The following MRAS variants were observed in gnomAD, a reference collection of about 807,000 sequenced individuals.
The protein encoded by MRAS is muscle RAS oncogene homolog.
Under a neutral mutation model 20.9 loss-of-function variants are expected in MRAS, and 4 were observed. The ratio of observed to expected loss-of-function variants is 0.19; its 90% CI spans 0.09 to 0.44. The LOEUF (loss-of-function observed/expected upper bound fraction) is 0.44. Ranked by LOEUF, MRAS falls within the 20% of genes least tolerant of loss-of-function variation. The pLI, the probability that MRAS is intolerant of heterozygous loss-of-function variation, is 0.99. For synonymous variants in MRAS, 98 were observed against 102.9 expected (o/e 0.95, Z 0.29); for missense variants, 154 against 277.5 (o/e 0.56, Z 3.16).
intron 1 of MRAS, among the ~76,000 whole-genome samples, chr3:138,364,622 A>G (rs1368728383): frequency 1.3e-5 from 2 of 152,182 alleles, no homozygotes; most frequent in African/African-American, 4.8e-5. Context: ...ACGGACCCAT[A>G]TAGGGGATAG....
intron 2 of MRAS, among the ~76,000 whole-genome samples, chr3:138,380,175 G>A (rs1372494384): frequency 2.0e-5 from 3 of 152,034 alleles, no homozygotes; most frequent in Non-Finnish European, 4.4e-5. Context: ...CAGGTCTTTT[G>A]CCCTTTAAAT....
At chr3:138,375,260 T>G (rs184134533) in intron 2 of MRAS, among the ~76,000 whole-genome samples, 1 of 152,238 alleles carries the variant, frequency 6.6e-6, no homozygotes, top group African/African-American at 2.4e-5. Flanking sequence ...TATTATCCTT[T>G]AATATTGTTG....
At chr3:138,358,221 C>G (rs930547888) in intron 1 of MRAS, among the ~76,000 whole-genome samples, 1 of 152,092 alleles carries the variant, frequency 6.6e-6, no homozygotes, top group African/African-American at 2.4e-5. Context: ...CCTGTAGTAA[C>G]AGCTACTTGG....
intron 4 of MRAS, among the ~76,000 whole-genome samples, chr3:138,399,803 G>A (rs910825225): frequency 2.0e-5 from 3 of 152,180 alleles, no homozygotes; most frequent in Admixed American, 2.0e-4. Flanking sequence ...GAAGGTGAGC[G>A]CTCAGGAGTG....
intron 1 of MRAS, among the ~76,000 whole-genome samples, chr3:138,361,101 A>G (rs1207240668): frequency 6.6e-6 from 1 of 152,196 alleles, no homozygotes; most frequent in Non-Finnish European, 1.5e-5. Context: ...TTGGCATTCC[A>G]TAGATGGAAG....
chr3:138,395,150 C>T (rs1407762868), intron 2 of MRAS, among the ~76,000 whole-genome samples: 1 of 152,054 alleles, frequency 6.6e-6, no homozygotes, highest in Admixed American at 6.5e-5. Context: ...AAGTGATTCT[C>T]CTGCCTCAGC....
rs9818870 is a variant in MRAS at position 138,403,280 on chromosome 3, C to T, written c.*1011C>T. On this transcript the variant is annotated 3_prime_UTR_variant, in exon 6 of 6. Coordinates refer to ENST00000423968, the MANE Select transcript of MRAS (RefSeq NM_001085049.3). Reference sequence around the variant, plus strand: ...TGTGCTGCTTGGTGCCTCTCTGATACGAATACACTGACACGTCAAAGTAAC... The same window carrying T: ...TGTGCTGCTTGGTGCCTCTCTGATATGAATACACTGACACGTCAAAGTAAC... 18,478 of 152,140 alleles carry T rather than the reference C, an allele frequency of 0.12. 1,203 individuals carry two copies. The highest frequency in any genetic ancestry group is 0.16 in the Non-Finnish European group (10,667 of 67,984). 9.4% of individuals were successfully genotyped at this position (152,140 alleles called of 1,614,324 possible).
At chr3:138,378,342 A>G (rs1226621499) in intron 2 of MRAS, among the ~76,000 whole-genome samples, 1 of 152,208 alleles carries the variant, frequency 6.6e-6, no homozygotes, top group Non-Finnish European at 1.5e-5. Flanking sequence ...CCAGAACCTA[A>G]GAGACAAGAG....
In MRAS at chr3:138,372,563, A is replaced by G. The variant is rs557494955; in HGVS notation, c.-18-303A>G. Reference sequence around the variant, plus strand: ...CTGTACAAGTAGAGTTTAGTGGCCAAAAAGCTTATTTGACATGGCTTTTGG... The same window carrying G: ...CTGTACAAGTAGAGTTTAGTGGCCAGAAAGCTTATTTGACATGGCTTTTGG... On this transcript the variant is annotated intron_variant, in intron 1 of 5. Coordinates refer to ENST00000423968, the MANE Select transcript of MRAS (RefSeq NM_001085049.3). Among the ~76,000 whole-genome samples, 3 of 152,322 alleles carry G rather than the reference A, an allele frequency of 2.0e-5. No individual in the cohort carries two copies. In the South Asian group the frequency reaches 6.2e-4, roughly 32 times the overall value.
chr3:138,398,119 C>G (rs1175847640), intron 3 of MRAS, among the ~76,000 whole-genome samples: 1 of 152,216 alleles, frequency 6.6e-6, no homozygotes, highest in Non-Finnish European at 1.5e-5. Flanking sequence ...ATGCCCTCTG[C>G]TGGGAGCCAT....
intron 2 of MRAS, among the ~76,000 whole-genome samples, chr3:138,385,457 A>AT (rs1273164179): frequency 6.7e-6 from 1 of 149,730 alleles, no homozygotes; most frequent in Admixed American, 6.6e-5. Context: ...TTATTTGTAA[A>AT]TTTTTTTGTT....
chr3:138,353,685 G>A (rs913548872), intron 1 of MRAS, among the ~76,000 whole-genome samples: 3 of 152,050 alleles, frequency 2.0e-5, no homozygotes, highest in Admixed American at 6.6e-5. Context: ...CCACCTACCC[G>A]TCCATTCATT....
chr3:138,379,313 A>G (rs913846188), intron 2 of MRAS, among the ~76,000 whole-genome samples: 1 of 150,550 alleles, frequency 6.6e-6, no homozygotes, highest in African/African-American at 2.5e-5. Flanking sequence ...CACTTAACAT[A>G]ATGACCTCCA....
At chr3:138,391,715 A>G (rs2055135865) in intron 2 of MRAS, among the ~76,000 whole-genome samples, 1 of 152,228 alleles carries the variant, frequency 6.6e-6, no homozygotes, top group Non-Finnish European at 1.5e-5. Flanking sequence ...TAAAAATTCC[A>G]AAACACCTCT....
chr3:138,373,382 G>C (rs1227278824), intron 2 of MRAS, among the ~76,000 whole-genome samples: 1 of 152,182 alleles, frequency 6.6e-6, no homozygotes, highest in African/African-American at 2.4e-5. Context: ...AGTTATGGAT[G>C]TCTTTAGCTA....
At chr3:138,384,029 G>T (rs1304277257) in intron 2 of MRAS, among the ~76,000 whole-genome samples, 2 of 152,166 alleles carry the variant, frequency 1.3e-5, no homozygotes, top group Non-Finnish European at 2.9e-5. Flanking sequence ...AGGTGCAAGG[G>T]CCCCGAGGCA....
At chr3:138,390,709 C>T (rs139782629) in intron 2 of MRAS, among the ~76,000 whole-genome samples, 75 of 152,326 alleles carry the variant, frequency 4.9e-4, no homozygotes, top group Admixed American at 9.8e-4. Flanking sequence ...GTGGGCTAGT[C>T]CCACTTGGGA....
At chr3:138,366,474 A>G (rs2054562256) in intron 1 of MRAS, among the ~76,000 whole-genome samples, 1 of 152,276 alleles carries the variant, frequency 6.6e-6, no homozygotes, top group African/African-American at 2.4e-5. Flanking sequence ...ATACAGAAGC[A>G]AAAAGCAGTA....
chr3:138,397,799 G>T (rs1350450313), intron 3 of MRAS, among the ~76,000 whole-genome samples: 1 of 152,110 alleles, frequency 6.6e-6, no homozygotes, highest in East Asian at 1.9e-4. Flanking sequence ...AGTTTACCAG[G>T]TAAAGGGACA....
Sources: gnomAD v4.1 joint callset for allele counts (sites outside exome capture counted in the v4.1 genomes callset) on GRCh38, gnomAD v4.1.1 for gene constraint, MANE v1.5 for transcripts, NCBI Gene and HGNC (gene_info 2026-07-23, HGNC 2026-07-21) for gene names.